Variants in GAS7 observed in about 807,000 individuals in gnomAD.
GAS7 encodes the protein growth arrest specific 7, also known as growth arrest-specific protein 7.
A neutral mutation model predicts 71.1 loss-of-function variants in GAS7; 28 were observed. The ratio of observed to expected loss-of-function variants is 0.39; its 90% CI spans 0.29 to 0.54. The LOEUF is 0.54. GAS7 is among the 20% of genes least tolerant of loss of function. The pLI is 0.62. For missense variants in GAS7, 436 were observed against 627.8 expected (o/e 0.69, Z 3.27); for synonymous variants, 258 against 245.8 (o/e 1.05, Z -0.46).
At chr17:9,940,802 G>A (rs565985814) in intron 7 of GAS7, among the ~76,000 whole-genome samples, 12 of 152,330 alleles carry the variant, frequency 7.9e-5, no homozygotes, top group Admixed American at 2.6e-4. Context: ...CTTCCGGCAG[G>A]CAGGCCTTTG....
At chr17:9,918,213 C>T in intron 12 of GAS7, 114 bp from the exon 13 acceptor site, 1 of 691,360 alleles carries the variant, frequency 1.4e-6, no homozygotes, top group Non-Finnish European at 2.5e-6. Flanking sequence ...TCCCATCTGA[C>T]TCTCTGGGGT....
chr17:10,187,606 T>C (rs2074465249), intron 1 of GAS7, among the ~76,000 whole-genome samples: 1 of 152,218 alleles, frequency 6.6e-6, no homozygotes, highest in Non-Finnish European at 1.5e-5. Flanking sequence ...CGTATGCTTT[T>C]TGGTAAGCTG....
Position 9,915,968 on chromosome 17 carries a change from G to C in GAS7, c.*1260C>G, listed in dbSNP as rs191261279. ...ACTTTTCCAGGGATTGGAAGATGGA[G>C]AGAGGGAAAGGAGGTGCAGACACCA... On this transcript the variant is annotated 3_prime_UTR_variant, in exon 14 of 14. Transcript: ENST00000432992. 66 of 233,080 alleles carry C rather than the reference G, an allele frequency of 2.8e-4. 1 individual carries two copies. Among genetic ancestry groups the C allele is most frequent in the South Asian group, 7.2e-4 (4 of 5,522 alleles). The allele number at this position is 233,080 out of a possible 1,614,324, so 14.4% of individuals were successfully genotyped here. A position where few individuals can be genotyped will look rare whatever the true frequency, so the allele number is the denominator to read the frequency against.
intron 1 of GAS7, among the ~76,000 whole-genome samples, chr17:10,106,242 T>G (rs1038716495): frequency 6.6e-6 from 1 of 152,314 alleles, no homozygotes; most frequent in Middle Eastern, 3.4e-3. Flanking sequence ...GCCCTGCTTC[T>G]CAGGGAAGGC....
In GAS7 at chr17:9,926,169, G is replaced by A. The variant is rs1245769856; in HGVS notation, c.1014+472C>T. 5.3e-5 allele frequency among the ~76,000 whole-genome samples: 8 copies of A among 151,960 alleles called. No homozygotes were observed. The highest frequency in any genetic ancestry group is 1.2e-4 in the Non-Finnish European group (8 of 67,974). ...CTGGGGACTGGGAATCAGTCCCTGG[G>A]GCACACTCTCTTCCCTCTAAGGCTG... On this transcript the variant is annotated intron_variant, in intron 10 of 13. Transcript: ENST00000432992. The surrounding 1 kb of genome is among the most constrained non-coding windows in gnomAD (Gnocchi z 5.0).
rs1218027813 is a variant in GAS7 at position 9,922,312 on chromosome 17, G to A, written c.1139-2607C>T. On this transcript the variant is annotated intron_variant, in intron 11 of 13. Coordinates refer to ENST00000432992, the MANE Select transcript of GAS7 (RefSeq NM_201433.2). Reference sequence around the variant, plus strand: ...GGAAAGGAACAGAAGGAAAGAACAGGTGGCATTTCCTGAGCAACAGGCTGT... The same window carrying A: ...GGAAAGGAACAGAAGGAAAGAACAGATGGCATTTCCTGAGCAACAGGCTGT... Among the ~76,000 whole-genome samples the A allele has an allele frequency of 2.0e-5, 3 of 152,190 alleles. No individual in the cohort carries two copies. In the East Asian group the frequency reaches 5.8e-4, roughly 29 times the overall value.
At chr17:9,934,360 G>A (rs900751058) in intron 8 of GAS7, 116 bp from the exon 9 acceptor site, 18 of 706,226 alleles carry the variant, frequency 2.5e-5, no homozygotes, top group African/African-American at 5.3e-5. Context: ...ATGTGGACGC[G>A]GATGAGGCAG....
chr17:10,019,973 G>A (rs1332234055), intron 1 of GAS7, 76 bp from the exon 2 acceptor site: 1 of 1,407,976 alleles, frequency 7.1e-7, no homozygotes, highest in Admixed American at 1.7e-5. Flanking sequence ...GGCAAAGGCT[G>A]ATGAATTCAC....
At chr17:10,123,092 CA>C (rs559637718) in intron 1 of GAS7, among the ~76,000 whole-genome samples, 67 of 152,300 alleles carry the variant, frequency 4.4e-4, no homozygotes, top group Admixed American at 2.0e-3. Flanking sequence ...TTGGCCTACC[CA>C]AAGTGCTGGG....
At chr17:9,964,315 C>G (rs1334756271) in intron 4 of GAS7, among the ~76,000 whole-genome samples, 4 of 152,152 alleles carry the variant, frequency 2.6e-5, no homozygotes, top group Non-Finnish European at 5.9e-5. Context: ...ATTTCCTCCC[C>G]CCCTGCAAAT....
chr17:10,004,758 TC>T (rs1382829242), intron 2 of GAS7, among the ~76,000 whole-genome samples: 6 of 152,140 alleles, frequency 3.9e-5, no homozygotes, highest in Non-Finnish European at 8.8e-5. Flanking sequence ...GTGCCTCTAA[TC>T]CCAGCATTTT....
Position 10,198,293 on chromosome 17 carries a change from T to C in GAS7, c.98A>G (p.Gln33Arg). 6.2e-7 allele frequency: 1 copy of C among 1,604,632 alleles called. No homozygotes were observed. Among genetic ancestry groups the C allele is most frequent in the Non-Finnish European group, 8.5e-7 (1 of 1,179,414 alleles). ...TTCCCACCAGCCGCCGTCCGGGACC[T>C]GCAGCAGCGTGATCAGCTCGCCCGC... ...FAAGELITLL[Q>R]VPDGGWWEGE... The change falls in exon 1 of 14, where the codon CAG (glutamine) becomes CGG (arginine). Residue 33 changes from glutamine (Q) to arginine (R), a missense_variant. Gln to Arg is a conservative substitution (Grantham distance 43). Transcript: ENST00000432992.
chr17:10,007,095 C>T (rs932265787), intron 2 of GAS7, among the ~76,000 whole-genome samples: 1 of 152,176 alleles, frequency 6.6e-6, no homozygotes, highest in African/African-American at 2.4e-5. Flanking sequence ...TTTGACTATG[C>T]CTCCACCATT....
intron 4 of GAS7, among the ~76,000 whole-genome samples, chr17:9,963,412 C>T (rs1181638083): frequency 2.0e-5 from 3 of 152,074 alleles, no homozygotes; most frequent in South Asian, 2.1e-4. Flanking sequence ...GAATTGTATA[C>T]ACTTTAAATG....
intron 4 of GAS7, among the ~76,000 whole-genome samples, chr17:9,962,351 G>C (rs1311524104): frequency 6.6e-6 from 1 of 152,124 alleles, no homozygotes; most frequent in Non-Finnish European, 1.5e-5. Flanking sequence ...CTACTGGCTA[G>C]AAATTGGTTT....
In GAS7 at chr17:9,945,042, C is replaced by T. The variant is rs1292287378; in HGVS notation, c.616-1806G>A. 5.9e-5 allele frequency among the ~76,000 whole-genome samples: 9 copies of T among 152,102 alleles called. No homozygotes were observed. In the East Asian group the frequency reaches 1.4e-3, roughly 23 times the overall value. ...ATAAGAACTCACAAGTGTCGCCCTC[C>T]GGATGCTGCTGGATGCAGGCGGCAT... On this transcript the variant is annotated intron_variant, in intron 6 of 13. Transcript: ENST00000432992.
At position 9,911,255 on chromosome 17, in the gene GAS7, G is replaced by T. The variant is rs1280726299; in HGVS notation, c.*5973C>A. On this transcript the variant is annotated 3_prime_UTR_variant, in exon 14 of 14. Transcript: ENST00000432992. The surrounding 1 kb of genome is among the most constrained non-coding windows in gnomAD (Gnocchi z 4.0). ...TGAGTGCACGGAGGTCCCGACAGGG[G>T]ATGTGACTTAACTTCAGGTTATGGG... The T allele has an allele frequency of 4.3e-6, 1 of 233,382 alleles. No individual in the cohort carries two copies. The highest frequency in any genetic ancestry group is 2.2e-5 in the African/African-American group (1 of 45,474). 14.5% of individuals were successfully genotyped at this position (233,382 alleles called of 1,614,324 possible).
intron 9 of GAS7, among the ~76,000 whole-genome samples, chr17:9,928,025 C>G (rs1352839053): frequency 2.0e-5 from 3 of 152,134 alleles, no homozygotes; most frequent in Non-Finnish European, 4.4e-5. Flanking sequence ...TATTCCTTCC[C>G]TCTTTCCCAT....
chr17:10,004,149 T>C (rs2071377684), intron 2 of GAS7, among the ~76,000 whole-genome samples: 1 of 152,200 alleles, frequency 6.6e-6, no homozygotes, highest in Admixed American at 6.5e-5. Context: ...AGTCTCATTT[T>C]AACAATCTCA....
Sources: gnomAD v4.1 joint callset for allele counts (sites outside exome capture counted in the v4.1 genomes callset) on GRCh38, gnomAD v4.1.1 for gene constraint, Gnocchi (gnomAD v3.1) non-coding constraint, MANE v1.5 for transcripts, NCBI Gene and HGNC (gene_info 2026-07-23, HGNC 2026-07-21) for gene names.